Variants in CNTNAP5 observed in about 807,000 individuals in gnomAD.
The protein encoded by CNTNAP5 is contactin-associated protein-like 5.
In CNTNAP5, 72 loss-of-function variants were observed where a neutral mutation model predicts 150.2. The ratio of observed to expected loss-of-function variants is 0.48; its 90% CI spans 0.40 to 0.58. The LOEUF (loss-of-function observed/expected upper bound fraction) is 0.58, where lower values mean the gene tolerates loss of function less well. Ranked by LOEUF, CNTNAP5 falls within the 20% of genes least tolerant of loss-of-function variation. CNTNAP5 has a pLI of 0.00. For synonymous variants in CNTNAP5, 672 were observed against 619.8 expected (o/e 1.08, Z -1.25); for missense variants, 1,636 against 1,626.2 (o/e 1.01, Z -0.10).
At chr2:124,444,943 A>G (rs1429271226) in intron 5 of CNTNAP5, among the ~76,000 whole-genome samples, 1 of 152,104 alleles carries the variant, frequency 6.6e-6, no homozygotes, top group Non-Finnish European at 1.5e-5. Context: ...ACCTGCATAC[A>G]TTTTATAGAT....
At chr2:124,486,552 C>T (rs1693884340) in intron 7 of CNTNAP5, among the ~76,000 whole-genome samples, 1 of 152,162 alleles carries the variant, frequency 6.6e-6, no homozygotes, top group Non-Finnish European at 1.5e-5. Context: ...AATCTCTTTT[C>T]TTCTTTTAAA....
At chr2:124,308,195 C>CT (rs993547893) in intron 3 of CNTNAP5, among the ~76,000 whole-genome samples, 25 of 151,406 alleles carry the variant, frequency 1.7e-4, no homozygotes, top group Non-Finnish European at 2.7e-4. Flanking sequence ...TATTGGAAGA[C>CT]TTTTTTTTTG....
intron 1 of CNTNAP5, among the ~76,000 whole-genome samples, chr2:124,118,302 G>T (rs1438752554): frequency 6.6e-6 from 1 of 152,140 alleles, no homozygotes; most frequent in Non-Finnish European, 1.5e-5. Flanking sequence ...TGAAGGACCT[G>T]AAAAGCCACA....
At chr2:124,559,342 C>A (rs1460235723) in intron 10 of CNTNAP5, among the ~76,000 whole-genome samples, 1 of 152,056 alleles carries the variant, frequency 6.6e-6, no homozygotes, top group Non-Finnish European at 1.5e-5. Context: ...AATGCACATT[C>A]TGCTTTTATA....
At chr2:124,613,527 G>T (rs1413416841) in intron 12 of CNTNAP5, among the ~76,000 whole-genome samples, 1 of 152,214 alleles carries the variant, frequency 6.6e-6, no homozygotes, top group African/African-American at 2.4e-5. Context: ...CCAGAGAAAA[G>T]AGACTTTTCT....
At chr2:124,558,335 C>G (rs1002433788) in intron 10 of CNTNAP5, among the ~76,000 whole-genome samples, 9 of 152,152 alleles carry the variant, frequency 5.9e-5, no homozygotes, top group African/African-American at 2.2e-4. Context: ...GTTTAAGAAC[C>G]TGGGTACTAG....
chr2:124,411,217 G>T (rs1292109009), intron 3 of CNTNAP5, among the ~76,000 whole-genome samples: 1 of 152,168 alleles, frequency 6.6e-6, no homozygotes. Flanking sequence ...AACAGGAGCT[G>T]AAATTGTGGC....
intron 7 of CNTNAP5, among the ~76,000 whole-genome samples, chr2:124,499,773 C>T (rs553211732): frequency 6.6e-6 from 1 of 152,310 alleles, no homozygotes; most frequent in South Asian, 2.1e-4. Flanking sequence ...CACTCTCCCA[C>T]ATTGTTATTG....
chr2:124,345,928 G>A (rs1480121437), intron 3 of CNTNAP5, among the ~76,000 whole-genome samples: 2 of 152,142 alleles, frequency 1.3e-5, no homozygotes, highest in Non-Finnish European at 2.9e-5. Flanking sequence ...TGAACTTGCA[G>A]TTTTCTGAAA....
At chr2:124,223,559 G>A (rs532933923) in intron 2 of CNTNAP5, among the ~76,000 whole-genome samples, 1 of 152,074 alleles carries the variant, frequency 6.6e-6, no homozygotes, top group South Asian at 2.1e-4. Flanking sequence ...GTTTCCAACA[G>A]AGCTTCCAGA....
At chr2:124,410,634 A>G (rs372937001) in intron 3 of CNTNAP5, among the ~76,000 whole-genome samples, 2,433 of 147,786 alleles carry the variant, frequency 0.016, 30 homozygotes, top group Non-Finnish European at 0.025. Context: ...TGACTACTGG[A>G]TACATAACGA....
rs188850458 is a variant in CNTNAP5, at chr2:124,216,541, C to T, written c.83-5164C>T. 4.2e-3 allele frequency among the ~76,000 whole-genome samples: 634 copies of T among 152,224 alleles called. 4 individuals are homozygous for T. The highest frequency in any genetic ancestry group is 7.3e-3 in the Non-Finnish European group (499 of 68,018). ...TCTCCTAATGCTATTCCTCCCACCT[C>T]CTCCCACCCCACAACAGTCCCCGGT... On this transcript the variant is annotated intron_variant, in intron 1 of 23. Transcript: ENST00000682447.
chr2:124,773,287 C>A (rs1681246137), intron 17 of CNTNAP5, among the ~76,000 whole-genome samples: 1 of 152,108 alleles, frequency 6.6e-6, no homozygotes, highest in East Asian at 1.9e-4. Context: ...TGCCCAGGGA[C>A]CCCTTTTGTT....
intron 3 of CNTNAP5, among the ~76,000 whole-genome samples, chr2:124,249,617 T>A: frequency 6.6e-6 from 1 of 152,218 alleles, no homozygotes; most frequent in East Asian, 1.9e-4. Flanking sequence ...CAAACCAATG[T>A]GTTTCTTAAA....
intron 1 of CNTNAP5, among the ~76,000 whole-genome samples, chr2:124,036,713 C>G (rs575595116): frequency 3.9e-5 from 6 of 152,086 alleles, no homozygotes; most frequent in Non-Finnish European, 8.8e-5. Flanking sequence ...ACACTCTGTG[C>G]CAAGGTTGGT....
intron 13 of CNTNAP5, among the ~76,000 whole-genome samples, chr2:124,717,283 T>G (rs958398956): frequency 2.1e-4 from 32 of 152,222 alleles, no homozygotes; most frequent in Non-Finnish European, 4.3e-4. Context: ...TTGGCATCCT[T>G]TCCACCCTAT....
In CNTNAP5 at chr2:124,914,159, G is replaced by C; in HGVS notation, c.3795G>C (p.Gln1265His). The change falls in exon 24 of 24, where the codon CAG (glutamine) becomes CAC (histidine). Residue 1265 changes from glutamine (Q) to histidine (H), a missense_variant. Gln to His is a conservative substitution (Grantham distance 24). Coordinates refer to ENST00000682447, the MANE Select transcript of CNTNAP5 (RefSeq NM_001367498.1). ...GCATCATGACCCGGTTCCTCTACCAGCACAAGCAGTCACATCGTACGAGCC... is the reference window on the plus strand; with the variant it reads ...GCATCATGACCCGGTTCCTCTACCACCACAAGCAGTCACATCGTACGAGCC... ...IIGIMTRFLY[Q>H]HKQSHRTSQM... 6.2e-7 allele frequency: 1 copy of C among 1,612,612 alleles called. No individual in the cohort carries two copies. The highest frequency in any genetic ancestry group is 1.1e-5 in the South Asian group (1 of 91,052).
At chr2:124,451,077 T>TACACACACAC (rs1553469346) in intron 6 of CNTNAP5, among the ~76,000 whole-genome samples, 5 of 61,538 alleles carry the variant, frequency 8.1e-5, no homozygotes, top group African/African-American at 3.6e-4. Flanking sequence ...TATATATATA[T>TACACACACAC]ACACACACAC....
chr2:124,748,445 T>G (rs1680654596), intron 14 of CNTNAP5, among the ~76,000 whole-genome samples: 1 of 152,202 alleles, frequency 6.6e-6, no homozygotes, highest in Non-Finnish European at 1.5e-5. Context: ...TTTTTTACTG[T>G]ATTGATTGTG....
Sources: allele counts gnomAD v4.1 joint callset (sites outside exome capture counted in the v4.1 genomes callset), GRCh38; gene constraint gnomAD v4.1.1; transcripts MANE v1.5; gene names NCBI Gene and HGNC (gene_info 2026-07-23, HGNC 2026-07-21).